DNAAF11: variants seen among roughly 807,000 people sequenced by gnomAD.
DNAAF11 encodes the protein leucine rich repeat containing 6.
A neutral mutation model predicts 60.8 loss-of-function variants in DNAAF11; 45 were observed. That is an observed-to-expected ratio of 0.74 (90% CI 0.58 to 0.95). The LOEUF is 0.95. DNAAF11 is among the 40% of genes least tolerant of loss of function. The probability of loss-of-function intolerance (pLI) is 0.00; values close to 1 mark genes in which losing one functional copy is unlikely to be tolerated. For missense variants in DNAAF11, 546 were observed against 546.2 expected (o/e 1.00, Z 0.00); for synonymous variants, 191 against 183.5 (o/e 1.04, Z -0.33).
intron 3 of DNAAF11, among the ~76,000 whole-genome samples, chr8:132,652,361 T>C (rs1185498825): frequency 6.6e-6 from 1 of 152,042 alleles, no homozygotes; most frequent in African/African-American, 2.4e-5. Context: ...TACCAGACAT[T>C]TAGAGAAAAA....
chr8:132,656,349 C>G (rs1399641853), intron 3 of DNAAF11, among the ~76,000 whole-genome samples: 1 of 152,094 alleles, frequency 6.6e-6, no homozygotes, highest in Admixed American at 6.5e-5. Flanking sequence ...AAATGGACTT[C>G]CATTTTTGAA....
At chr8:132,693,545 T>C in the DNAAF11 span, among the ~76,000 whole-genome samples, 1 of 151,896 alleles carries the variant, frequency 6.6e-6, no homozygotes, top group African/African-American at 2.4e-5. Context: ...GTAAGACAAC[T>C]AGAACAAAAA....
intron 1 of DNAAF11, among the ~76,000 whole-genome samples, chr8:132,663,461 T>G (rs1462259275): frequency 6.6e-6 from 1 of 152,194 alleles, no homozygotes; most frequent in Admixed American, 6.5e-5. Context: ...CCTATAAGAA[T>G]TCTCTTAGCA....
chr8:132,578,501 G>A lies in DNAAF11; in HGVS notation c.1226+5193C>T, dbSNP rs774627883. ...CTGACTGTCAGAAACATCACCTCTA[G>A]AATCCAGTAGAATAGCTGGAAGACA... On this transcript the variant is annotated intron_variant, in intron 11 of 11. Coordinates refer to ENST00000620350, the MANE Select transcript of DNAAF11 (RefSeq NM_012472.6). 11 of 1,530,172 alleles carry A rather than the reference G, an allele frequency of 7.2e-6. 2 individuals are homozygous for A. In the South Asian group the frequency reaches 1.3e-4, roughly 18 times the overall value. The allele number at this position is 1,530,172 out of a possible 1,614,324, so 94.8% of individuals were successfully genotyped here. A position where few individuals can be genotyped will look rare whatever the true frequency, so the allele number is the denominator to read the frequency against.
chr8:132,694,340 A>G, the DNAAF11 span, among the ~76,000 whole-genome samples: 1 of 152,190 alleles, frequency 6.6e-6, no homozygotes, highest in Non-Finnish European at 1.5e-5. Flanking sequence ...CTAATCCAAT[A>G]TGACTGGTGT....
chr8:132,649,801 A>C (rs1283866588), intron 3 of DNAAF11, among the ~76,000 whole-genome samples: 1 of 152,234 alleles, frequency 6.6e-6, no homozygotes, highest in African/African-American at 2.4e-5. Flanking sequence ...AGAAATGCAA[A>C]TCAAAACCAC....
chr8:132,607,457 A>G (rs1276607423), intron 10 of DNAAF11, among the ~76,000 whole-genome samples: 1 of 152,206 alleles, frequency 6.6e-6, no homozygotes, highest in East Asian at 1.9e-4. Context: ...GGGAACATCC[A>G]CTGACATGGC....
chr8:132,684,063 G>T, the DNAAF11 span, among the ~76,000 whole-genome samples: 1 of 152,072 alleles, frequency 6.6e-6, no homozygotes, highest in African/African-American at 2.4e-5. Flanking sequence ...TTTGCCTATT[G>T]CAAGCTTTGG....
intron 1 of DNAAF11, among the ~76,000 whole-genome samples, chr8:132,672,666 C>T (rs1825297828): frequency 6.6e-6 from 1 of 152,176 alleles, no homozygotes; most frequent in Non-Finnish European, 1.5e-5. Flanking sequence ...AGTACACACA[C>T]AGAGAAACTT....
At chr8:132,636,622 T>A (rs1343360045) in intron 4 of DNAAF11, among the ~76,000 whole-genome samples, 1 of 152,162 alleles carries the variant, frequency 6.6e-6, no homozygotes, top group Non-Finnish European at 1.5e-5. Flanking sequence ...CAGGCTCAGC[T>A]GCGGTGGCCA....
intron 1 of DNAAF11, among the ~76,000 whole-genome samples, chr8:132,668,724 G>A (rs1824888287): frequency 6.6e-6 from 1 of 152,084 alleles, no homozygotes; most frequent in Admixed American, 6.6e-5. Flanking sequence ...TTACAGGCTT[G>A]AGCCACCGCG....
At chr8:132,587,985 C>T (rs1424274217) in intron 10 of DNAAF11, among the ~76,000 whole-genome samples, 4 of 152,210 alleles carry the variant, frequency 2.6e-5, no homozygotes, top group East Asian at 1.9e-4. Context: ...TGCATTGAGA[C>T]GATCTATATC....
chr8:132,647,725 C>T (rs191962555), intron 3 of DNAAF11, among the ~76,000 whole-genome samples: 1 of 152,268 alleles, frequency 6.6e-6, no homozygotes, highest in African/African-American at 2.4e-5. Context: ...TCAGAGAATA[C>T]TATAAACACC....
At chr8:132,645,593 G>A (rs1563676812) in intron 3 of DNAAF11, among the ~76,000 whole-genome samples, 1 of 151,568 alleles carries the variant, frequency 6.6e-6, no homozygotes, top group African/African-American at 2.4e-5. Flanking sequence ...TAAAAACCTT[G>A]AAAAAAAATA....
At chr8:132,653,096 G>A (rs1047760286) in intron 3 of DNAAF11, among the ~76,000 whole-genome samples, 17 of 151,958 alleles carry the variant, frequency 1.1e-4, no homozygotes, top group African/African-American at 3.9e-4. Context: ...AAAAGATGCA[G>A]GTCAAAAGGC....
chr8:132,603,968 A>C (rs1817894496), intron 10 of DNAAF11, among the ~76,000 whole-genome samples: 2 of 152,174 alleles, frequency 1.3e-5, no homozygotes, highest in South Asian at 2.1e-4. Context: ...GGAAGGAAGG[A>C]AGGCCAGGTT....
intron 5 of DNAAF11, among the ~76,000 whole-genome samples, chr8:132,626,298 G>A (rs749333155): frequency 1.3e-5 from 2 of 152,044 alleles, no homozygotes; most frequent in Non-Finnish European, 2.9e-5. Flanking sequence ...TGATCCACCC[G>A]CCTCGGCCTC....
the DNAAF11 span, among the ~76,000 whole-genome samples, chr8:132,686,380 G>A: frequency 6.6e-6 from 1 of 152,196 alleles, no homozygotes; most frequent in East Asian, 1.9e-4. Flanking sequence ...TGTTTGTAAG[G>A]AGACAAGGTG....
At chr8:132,587,651 G>GT (rs1816041571) in intron 10 of DNAAF11, among the ~76,000 whole-genome samples, 3 of 152,172 alleles carry the variant, frequency 2.0e-5, no homozygotes, top group Admixed American at 1.3e-4. Context: ...TGGAAAAGTT[G>GT]TAAGGGCCAA....
Sources: gnomAD v4.1 joint callset for allele counts (sites outside exome capture counted in the v4.1 genomes callset) on GRCh38, gnomAD v4.1.1 for gene constraint, MANE v1.5 for transcripts, NCBI Gene and HGNC (gene_info 2026-07-23, HGNC 2026-07-21) for gene names.